ZNF516: variants seen among roughly 807,000 people sequenced by gnomAD.
The protein encoded by ZNF516 is zinc finger protein 516.
In ZNF516, 19 loss-of-function variants were observed where a neutral mutation model predicts 79.7. The ratio of observed to expected loss-of-function variants is 0.24; its 90% CI spans 0.17 to 0.35. The LOEUF (loss-of-function observed/expected upper bound fraction) is 0.35, where lower values mean the gene tolerates loss of function less well. Ranked by LOEUF, ZNF516 falls within the 10% of genes least tolerant of loss-of-function variation. The probability of loss-of-function intolerance (pLI) is 1.00; values close to 1 mark genes in which losing one functional copy is unlikely to be tolerated. For synonymous variants in ZNF516, 877 were observed against 739.5 expected, an observed-to-expected ratio of 1.19 and a Z score of -3.02; for missense variants, 1,678 against 1,679.5, an observed-to-expected ratio of 1.00 and a Z score of 0.02.
chr18:76,396,613 AATCAGGCGTC>A (rs1283972691), intron 3 of ZNF516, among the ~76,000 whole-genome samples: 1 of 152,192 alleles, frequency 6.6e-6, no homozygotes. Flanking sequence ...AACTTGATGA[AATCAGGCGTC>A]CAGATTTCAT....
In ZNF516 at chr18:76,442,647, G is replaced by A. The variant is rs773122359; in HGVS notation, c.408C>T (p.Gly136=). The change falls in exon 3 of 7, where the codon GGC becomes GGT. Residue 136 remains glycine (G), a synonymous_variant. Transcript: ENST00000443185. ...GCGAGGCCCCGTTCAGGACCCTGGC[G>A]CCGTCGGCCTGCGAGGCCCCGTTCA... ...RLLNGASQAD[G]ARVLNGASQA... 4.4e-6 allele frequency: 7 copies of A among 1,588,328 alleles called. No individual in the cohort carries two copies. The highest frequency in any genetic ancestry group is 2.7e-5 in the African/African-American group (2 of 74,492).
chr18:76,452,207 TG>T (rs1274950660), intron 2 of ZNF516, among the ~76,000 whole-genome samples: 2 of 152,292 alleles, frequency 1.3e-5, no homozygotes, highest in East Asian at 3.9e-4. Flanking sequence ...ACAACAGACC[TG>T]ATGTGGGGGC....
intron 3 of ZNF516, among the ~76,000 whole-genome samples, chr18:76,395,112 C>A (rs1045485603): frequency 6.6e-6 from 1 of 152,156 alleles, no homozygotes; most frequent in Non-Finnish European, 1.5e-5. Flanking sequence ...ACAAAGCCTG[C>A]ATGCCTGCAT....
intron 3 of ZNF516, among the ~76,000 whole-genome samples, chr18:76,398,445 C>G (rs565810771): frequency 6.6e-6 from 1 of 152,298 alleles, no homozygotes; most frequent in South Asian, 2.1e-4. Flanking sequence ...CTGTCTGAAG[C>G]AGATGCCAGC....
intron 1 of ZNF516, among the ~76,000 whole-genome samples, chr18:76,479,747 G>A (rs1461147571): frequency 6.6e-6 from 1 of 152,258 alleles, no homozygotes; most frequent in East Asian, 1.9e-4. Flanking sequence ...AGAGTGTGCA[G>A]AGGGGCAGAC....
intron 3 of ZNF516, among the ~76,000 whole-genome samples, chr18:76,422,230 C>A (rs969149307): frequency 6.6e-6 from 1 of 152,074 alleles, no homozygotes; most frequent in East Asian, 1.9e-4. Flanking sequence ...GGGCCCTGAC[C>A]CAGCAAACCA....
intron 1 of ZNF516, among the ~76,000 whole-genome samples, chr18:76,474,488 T>C (rs1914063172): frequency 1.3e-5 from 2 of 152,138 alleles, no homozygotes; most frequent in Admixed American, 1.3e-4. Flanking sequence ...TAACAACTCC[T>C]GAAACAAAGA....
chr18:76,408,858 T>TGTGAA (rs1280913108), intron 3 of ZNF516, among the ~76,000 whole-genome samples: 1 of 152,236 alleles, frequency 6.6e-6, no homozygotes, highest in Non-Finnish European at 1.5e-5. Flanking sequence ...CTCCTGACAC[T>TGTGAA]GTGAAGTGAA....
intron 1 of ZNF516, chr18:76,490,726 G>C: frequency 2.1e-6 from 2 of 975,380 alleles, no homozygotes. Flanking sequence ...CGGGGGCAAT[G>C]CCTTTCTGCT....
intron 3 of ZNF516, among the ~76,000 whole-genome samples, chr18:76,401,118 C>T (rs577695739): frequency 6.6e-6 from 1 of 152,228 alleles, no homozygotes; most frequent in East Asian, 1.9e-4. Context: ...GAACGCTAAG[C>T]TCATGGGAGT....
chr18:76,414,966 G>C (rs555292681), intron 3 of ZNF516, among the ~76,000 whole-genome samples: 6 of 152,372 alleles, frequency 3.9e-5, no homozygotes, highest in Admixed American at 6.5e-5. Flanking sequence ...GGGAGGCCGA[G>C]GTGGGCAGAT....
At position 76,427,050 on chromosome 18, in the gene ZNF516, G is replaced by A. The variant is rs2075603664; in HGVS notation, c.1810+14195C>T. Among the ~76,000 whole-genome samples, 5 of 152,316 alleles carry A rather than the reference G, an allele frequency of 3.3e-5. No homozygotes were observed. In the South Asian group the frequency reaches 1.0e-3, roughly 32 times the overall value. On this transcript the variant is annotated intron_variant, in intron 3 of 6. Transcript: ENST00000443185. ...CCTGAGTAGGGACTGCAAAGGTGAGGATCAGGGTGGAGACAAGAGCCTGAG... is the reference window on the plus strand; with the variant it reads ...CCTGAGTAGGGACTGCAAAGGTGAGAATCAGGGTGGAGACAAGAGCCTGAG...
Position 76,380,311 on chromosome 18 carries a change from A to G in ZNF516, c.1811-8T>C. On this transcript the variant is annotated splice_region_variant and splice_polypyrimidine_tract_variant and intron_variant, in intron 3 of 6. Coordinates refer to ENST00000443185, the MANE Select transcript of ZNF516 (RefSeq NM_014643.4). ...AGCGGCGCGGCTGTCCCCCTAGAGG[A>G]GGCAAAATATGAAACGGGAAGTTAC... is the stretch of plus-strand genomic sequence containing the variant. 1.2e-6 allele frequency: 2 copies of G among 1,609,258 alleles called. No homozygotes were observed. Among genetic ancestry groups the G allele is most frequent in the South Asian group, 1.1e-5 (1 of 90,996 alleles).
intron 1 of ZNF516, among the ~76,000 whole-genome samples, chr18:76,476,297 C>G (rs192165389): frequency 2.6e-5 from 4 of 151,702 alleles, no homozygotes; most frequent in African/African-American, 9.6e-5. Context: ...GAAAAATCAC[C>G]GTATATGTCT....
intron 3 of ZNF516, among the ~76,000 whole-genome samples, chr18:76,408,516 A>T (rs1485122887): frequency 6.6e-6 from 1 of 152,170 alleles, no homozygotes; most frequent in Non-Finnish European, 1.5e-5. Context: ...GGATGGTTTA[A>T]AAGGAACCAG....
intron 3 of ZNF516, among the ~76,000 whole-genome samples, chr18:76,411,006 A>C (rs564430307): frequency 8.1e-4 from 124 of 152,372 alleles, no homozygotes; most frequent in African/African-American, 2.9e-3. Flanking sequence ...TAAAGAAATA[A>C]AAGACCAGCT....
chr18:76,412,850 T>C (rs888122124), intron 3 of ZNF516, among the ~76,000 whole-genome samples: 2 of 152,206 alleles, frequency 1.3e-5, no homozygotes, highest in African/African-American at 4.8e-5. Context: ...CTAGTCTTTC[T>C]TCCCTCAATG....
chr18:76,416,998 A>G (rs1233919749), intron 3 of ZNF516, among the ~76,000 whole-genome samples: 1 of 152,186 alleles, frequency 6.6e-6, no homozygotes, highest in Non-Finnish European at 1.5e-5. Flanking sequence ...AAAGACCTCC[A>G]TAAATAACTT....
chr18:76,409,831 G>A (rs755148519), intron 3 of ZNF516, among the ~76,000 whole-genome samples: 4 of 152,158 alleles, frequency 2.6e-5, no homozygotes, highest in Non-Finnish European at 5.9e-5. Flanking sequence ...GAGGTGGTAT[G>A]GTTTGGCTGT....
Sources: gnomAD v4.1 joint callset for allele counts (sites outside exome capture counted in the v4.1 genomes callset) on GRCh38, gnomAD v4.1.1 for gene constraint, MANE v1.5 for transcripts, NCBI Gene and HGNC (gene_info 2026-07-23, HGNC 2026-07-21) for gene names.